PRPS1: variants seen among roughly 807,000 people sequenced by gnomAD.
PRPS1 encodes phosphoribosyl pyrophosphate synthetase 1.
In PRPS1, 1 loss-of-function variant was observed where a neutral mutation model predicts 16.9. The observed-to-expected ratio is 0.06, with a 90% CI of 0.02 to 0.28. PRPS1 has a LOEUF of 0.28. Ranked by LOEUF, PRPS1 falls within the 10% of genes least tolerant of loss-of-function variation. The probability of loss-of-function intolerance (pLI) is 1.00; values close to 1 mark genes in which losing one functional copy is unlikely to be tolerated. For missense variants in PRPS1, 47 were observed against 254.0 expected, an observed-to-expected ratio of 0.19 and a Z score of 5.54; for synonymous variants, 70 against 90.2, an observed-to-expected ratio of 0.78 and a Z score of 1.27.
At chrX:107,638,400 C>T (rs1925491805) in intron 1 of PRPS1, among the ~76,000 whole-genome samples, 1 of 111,104 alleles carries the variant, frequency 9.0e-6, no homozygotes. Context: ...TGAGCCACCA[C>T]ACCCTGACTA....
chrX:107,640,331 G>C (rs1925543496), intron 2 of PRPS1, among the ~76,000 whole-genome samples: 1 of 86,881 alleles, frequency 1.2e-5, no homozygotes, highest in African/African-American at 4.7e-5. Flanking sequence ...GATAGAGCAA[G>C]ACTCTGTCTC....
chrX:107,640,483 C>G (rs758065373), intron 2 of PRPS1, among the ~76,000 whole-genome samples: 1 of 111,753 alleles, frequency 8.9e-6, no homozygotes, highest in Non-Finnish European at 1.9e-5. Flanking sequence ...ACAAAGGAAA[C>G]TATAATATCT....
At chrX:107,644,457 G>A (rs1383402456) in intron 4 of PRPS1, among the ~76,000 whole-genome samples, 1 of 111,755 alleles carries the variant, frequency 8.9e-6, no homozygotes, top group African/African-American at 3.2e-5. Flanking sequence ...CCCCATTCAC[G>A]GGTCTTCCAT....
At chrX:107,648,834 A>G (rs1925764571) in intron 6 of PRPS1, among the ~76,000 whole-genome samples, 1 of 110,614 alleles carries the variant, frequency 9.0e-6, no homozygotes, top group African/African-American at 3.3e-5. Flanking sequence ...ATCTCAGCTC[A>G]CCGCAACCTC....
intron 4 of PRPS1, 60 bp from the exon 5 acceptor site, chrX:107,645,117 T>G: frequency 1.7e-6 from 2 of 1,187,067 alleles, no homozygotes; most frequent in African/African-American, 1.7e-5. Flanking sequence ...CCCGGCCTCT[T>G]TAGTCCATTT....
intron 6 of PRPS1, among the ~76,000 whole-genome samples, chrX:107,649,448 C>T (rs1048662608): frequency 2.7e-5 from 3 of 109,841 alleles, no homozygotes; most frequent in Non-Finnish European, 5.7e-5. Context: ...TCCTAAGTGG[C>T]TGTTTTGTTT....
At chrX:107,634,156 A>C (rs1925370615) in intron 1 of PRPS1, among the ~76,000 whole-genome samples, 1 of 111,323 alleles carries the variant, frequency 9.0e-6, no homozygotes. Flanking sequence ...AATTGTGGCA[A>C]CTATTTGGCA....
chrX:107,638,636 G>A (rs1317522304), intron 1 of PRPS1, among the ~76,000 whole-genome samples: 3 of 111,552 alleles, frequency 2.7e-5, no homozygotes, highest in Non-Finnish European at 5.6e-5. Context: ...ACCCAGGCTG[G>A]TTTTGAACTC....
At chrX:107,634,340 G>A (rs1031870571) in intron 1 of PRPS1, among the ~76,000 whole-genome samples, 1 of 109,027 alleles carries the variant, frequency 9.2e-6, no homozygotes, top group African/African-American at 3.3e-5. Flanking sequence ...TCAGCCTCCC[G>A]AGTAGCTGGG....
At chrX:107,631,664 C>T (rs987893288) in intron 1 of PRPS1, among the ~76,000 whole-genome samples, 10 of 111,529 alleles carry the variant, frequency 9.0e-5, no homozygotes, top group South Asian at 3.7e-4. Flanking sequence ...GTCTCATCAG[C>T]AGTAATACAA....
In PRPS1 at chrX:107,650,045, T is replaced by C; in HGVS notation, c.*13T>C. On this transcript the variant is annotated 3_prime_UTR_variant, in exon 7 of 7. Transcript: ENST00000372435. ...TGTCCCTTTATAATAGAGTAACTTC[T>C]GAGGCTTTTTGAGAATAAAATCCAC... The C allele has an allele frequency of 8.3e-7, 1 of 1,211,787 alleles. No individual in the cohort carries two copies. The highest frequency in any genetic ancestry group is 1.8e-5 in the South Asian group (1 of 56,986).
In PRPS1 at chrX:107,628,511, A is replaced by G; in HGVS notation, c.-118A>G. On this transcript the variant is annotated 5_prime_UTR_variant, in exon 1 of 7. It removes an upstream start codon present in the reference 5' UTR. Transcript: ENST00000372435. The stretch of plus-strand genomic sequence containing the variant: ...ATTTAGAGCCGCGCGCCGGGCGGGA[A>G]TGTAAGATGGCGGAGTAGCAACGCA... 1 of 1,140,646 alleles carries G rather than the reference A, an allele frequency of 8.8e-7. No homozygotes were observed. Among genetic ancestry groups the G allele is most frequent in the Non-Finnish European group, 1.2e-6 (1 of 837,614 alleles). The allele number at this position is 1,140,646 out of a possible 1,213,427, so 94.0% of individuals were successfully genotyped here.
rs1925816144 is a variant in PRPS1, at chrX:107,650,936, G to A, written c.*904G>A. ...TCATCTTCCTTCTTTGGATCTATTT[G>A]GCCTCTCAAATGAACTGAGATTCCT... is the stretch of plus-strand genomic sequence containing the variant. On this transcript the variant is annotated 3_prime_UTR_variant, in exon 7 of 7. Coordinates refer to ENST00000372435, the MANE Select transcript of PRPS1 (RefSeq NM_002764.4). 1 of 244,314 alleles carries A rather than the reference G, an allele frequency of 4.1e-6. No homozygotes were observed. The highest frequency in any genetic ancestry group is 2.9e-5 in the African/African-American group (1 of 35,024). 20.1% of individuals were successfully genotyped at this position (244,314 alleles called of 1,213,427 possible).
chrX:107,635,661 T>C (rs759451608), intron 1 of PRPS1, among the ~76,000 whole-genome samples: 3 of 110,539 alleles, frequency 2.7e-5, no homozygotes, highest in Non-Finnish European at 5.7e-5. Context: ...ACTCTTGGGC[T>C]CAAGCGGTCC....
At chrX:107,634,718 C>T (rs1463076074) in intron 1 of PRPS1, among the ~76,000 whole-genome samples, 5 of 110,953 alleles carry the variant, frequency 4.5e-5, no homozygotes, top group African/African-American at 1.6e-4. Context: ...GACAATATAA[C>T]AATTTTGTGG....
At chrX:107,641,135 G>C (rs1263841156) in intron 3 of PRPS1, 135 bp downstream of exon 3, 14 of 1,176,512 alleles carry the variant, frequency 1.2e-5, no homozygotes, top group Non-Finnish European at 1.6e-5. Context: ...TTTTAAATGT[G>C]TTCACCTTAA....
intron 6 of PRPS1, among the ~76,000 whole-genome samples, chrX:107,648,573 CTAAT>C (rs1466091391): frequency 9.2e-6 from 1 of 109,280 alleles, no homozygotes; most frequent in Non-Finnish European, 1.9e-5. Context: ...CCATGCCCAG[CTAAT>C]TTTTTTGATA....
chrX:107,640,770 C>A, intron 2 of PRPS1, 132 bp from the exon 3 acceptor site: 1 of 668,132 alleles, frequency 1.5e-6, no homozygotes, highest in Non-Finnish European at 2.4e-6. Flanking sequence ...ATGGACATGT[C>A]TCCTTCTATG....
intron 4 of PRPS1, among the ~76,000 whole-genome samples, chrX:107,644,517 C>T (rs1180423531): frequency 1.8e-5 from 2 of 111,885 alleles, no homozygotes; most frequent in Non-Finnish European, 3.8e-5. Context: ...TAATTCTTTC[C>T]TCATTCCTTC....
Sources: allele counts gnomAD v4.1 joint callset (sites outside exome capture counted in the v4.1 genomes callset), GRCh38; gene constraint gnomAD v4.1.1; transcripts MANE v1.5; gene names NCBI Gene and HGNC (gene_info 2026-07-23, HGNC 2026-07-21).